PABPC4L: variants seen among roughly 807,000 people sequenced by gnomAD.
PABPC4L encodes poly(A) binding protein cytoplasmic 4 like, also known as polyadenylate-binding protein 4-like.
For synonymous variants in PABPC4L, 169 were observed against 164.1 expected (o/e 1.03, Z -0.23); for missense variants, 452 against 451.4 (o/e 1.00, Z -0.01).
At chr4:133,986,601 A>G in the PABPC4L span, among the ~76,000 whole-genome samples, 2 of 152,302 alleles carry the variant, frequency 1.3e-5, no homozygotes, top group East Asian at 3.9e-4. Context: ...AAACCTCAAC[A>G]TACTAATAGA....
At chr4:133,961,385 A>T in the PABPC4L span, among the ~76,000 whole-genome samples, 1 of 151,924 alleles carries the variant, frequency 6.6e-6, no homozygotes, top group Non-Finnish European at 1.5e-5. Context: ...AGAATCCCTA[A>T]GCCTAGCTGG....
chr4:134,018,549 C>A, the PABPC4L span, among the ~76,000 whole-genome samples: 2 of 152,034 alleles, frequency 1.3e-5, no homozygotes, highest in Non-Finnish European at 2.9e-5. Flanking sequence ...GTCTGTTGTT[C>A]CCTTATTTGT....
chr4:133,999,428 G>A, the PABPC4L span, among the ~76,000 whole-genome samples: 1 of 151,922 alleles, frequency 6.6e-6, no homozygotes, highest in East Asian at 1.9e-4. Context: ...TTATTATTGT[G>A]TTGTTTGCTT....
At chr4:133,964,394 A>G in the PABPC4L span, among the ~76,000 whole-genome samples, 1 of 152,016 alleles carries the variant, frequency 6.6e-6, no homozygotes, top group Admixed American at 6.6e-5. Context: ...CCAGACATTC[A>G]AAGAATTGGT....
the PABPC4L span, among the ~76,000 whole-genome samples, chr4:134,116,478 T>A: frequency 6.6e-6 from 1 of 151,764 alleles, no homozygotes; most frequent in African/African-American, 2.4e-5. Flanking sequence ...TGTTCAGAAC[T>A]AAAGCCATCG....
chr4:134,061,358 C>G, the PABPC4L span, among the ~76,000 whole-genome samples: 4 of 151,604 alleles, frequency 2.6e-5, no homozygotes, highest in Non-Finnish European at 5.9e-5. Context: ...TGAAATGACC[C>G]ACCGAATTAA....
the PABPC4L span, among the ~76,000 whole-genome samples, chr4:134,144,696 C>G: frequency 6.6e-6 from 1 of 151,332 alleles, no homozygotes; most frequent in East Asian, 1.9e-4. Context: ...TTCTATTATA[C>G]TCGGGACCCT....
chr4:133,997,339 G>GT, the PABPC4L span, among the ~76,000 whole-genome samples: 44 of 151,734 alleles, frequency 2.9e-4, no homozygotes, highest in African/African-American at 1.0e-3. Context: ...AAAGGGAAAG[G>GT]TTTTTTTTCA....
chr4:134,175,802 T>G, the PABPC4L span, among the ~76,000 whole-genome samples: 2 of 152,058 alleles, frequency 1.3e-5, no homozygotes, highest in African/African-American at 4.8e-5. Flanking sequence ...CTTAAACAAT[T>G]TGAAAACAGG....
the PABPC4L span, among the ~76,000 whole-genome samples, chr4:134,086,659 C>T: frequency 1.3e-5 from 2 of 151,826 alleles, no homozygotes; most frequent in South Asian, 4.2e-4. Context: ...GCTCCACCGT[C>T]ACAGGGACCT....
chr4:134,040,624 T>G, the PABPC4L span, among the ~76,000 whole-genome samples: 20 of 152,224 alleles, frequency 1.3e-4, no homozygotes, highest in African/African-American at 4.8e-4. Flanking sequence ...ATAAAAACCC[T>G]AGAAGAAAAC....
the PABPC4L span, among the ~76,000 whole-genome samples, chr4:134,185,629 G>A: frequency 6.6e-6 from 1 of 152,102 alleles, no homozygotes; most frequent in East Asian, 1.9e-4. Flanking sequence ...ACAGGCACAA[G>A]ACAGAGATGC....
At chr4:133,950,024 C>A in the PABPC4L span, among the ~76,000 whole-genome samples, 8 of 152,098 alleles carry the variant, frequency 5.3e-5, no homozygotes, top group Non-Finnish European at 1.5e-5. Flanking sequence ...GATGAGTTTG[C>A]TAATATGCCC....
the PABPC4L span, among the ~76,000 whole-genome samples, chr4:133,996,671 G>T: frequency 2.6e-5 from 4 of 152,130 alleles, no homozygotes; most frequent in Non-Finnish European, 5.9e-5. Context: ...CTGTCCTGCA[G>T]ACTCTGGCTG....
the PABPC4L span, among the ~76,000 whole-genome samples, chr4:134,003,209 T>A: frequency 6.6e-6 from 1 of 152,040 alleles, no homozygotes; most frequent in East Asian, 1.9e-4. Context: ...GACAAAGAAA[T>A]ATTTAGTTCA....
chr4:134,012,592 T>C, the PABPC4L span, among the ~76,000 whole-genome samples: 1 of 152,204 alleles, frequency 6.6e-6, no homozygotes, highest in African/African-American at 2.4e-5. Context: ...AAAGCCTGTT[T>C]GGTGGTCTCT....
chr4:134,093,571 C>CTT, the PABPC4L span, among the ~76,000 whole-genome samples: 157 of 143,966 alleles, frequency 1.1e-3, no homozygotes, highest in East Asian at 2.9e-3. Flanking sequence ...TTTTCTTTCT[C>CTT]TTTTTTTTTT....
chr4:134,057,018 T>G, the PABPC4L span, among the ~76,000 whole-genome samples: 1 of 151,892 alleles, frequency 6.6e-6, no homozygotes, highest in Non-Finnish European at 1.5e-5. Context: ...TACCTAGAGG[T>G]TTTTTGTATA....
chr4:134,036,500 C>T, the PABPC4L span, among the ~76,000 whole-genome samples: 1 of 152,018 alleles, frequency 6.6e-6, no homozygotes, highest in Admixed American at 6.6e-5. Flanking sequence ...GGGAAAACAA[C>T]TTATTTCAAA....
Sources: allele counts gnomAD v4.1 joint callset (sites outside exome capture counted in the v4.1 genomes callset), GRCh38; gene constraint gnomAD v4.1.1; transcripts MANE v1.5; gene names NCBI Gene and HGNC (gene_info 2026-07-23, HGNC 2026-07-21).